CROCC: variants seen among roughly 807,000 people sequenced by gnomAD.
The protein encoded by CROCC is ciliary rootlet coiled-coil, rootletin.
A neutral mutation model predicts 245.2 loss-of-function variants in CROCC; 180 were observed. The ratio of observed to expected loss-of-function variants is 0.73; its 90% CI spans 0.65 to 0.83. The LOEUF (loss-of-function observed/expected upper bound fraction) is 0.83. CROCC is among the 40% of genes least tolerant of loss of function. The pLI, the probability that CROCC is intolerant of heterozygous loss-of-function variation, is 0.00. For synonymous variants in CROCC, 1,205 were observed against 1,241.6 expected (o/e 0.97, Z 0.62); for missense variants, 2,688 against 2,779.4 (o/e 0.97, Z 0.74).
intron 25 of CROCC, 79 bp from the exon 26 acceptor site, chr1:16,958,504 G>A: frequency 1.3e-6 from 2 of 1,500,142 alleles, no homozygotes; most frequent in Non-Finnish European, 9.0e-7. Context: ...TACAGCAGTA[G>A]GTACCAAGTG....
Position 16,953,439 on chromosome 1 carries a change from G to A in CROCC, c.3144G>A (p.Glu1048=), listed in dbSNP as rs1251067353. Residue 1048 remains glutamate (E), a synonymous_variant, in exon 21 of 37, where the codon GAG becomes GAA. Coordinates refer to ENST00000375541, the MANE Select transcript of CROCC (RefSeq NM_014675.5). ...AGGAGATTGCTGCCCTGCAGCAGGA[G>A]CGCGACGAGGGCCTCCTCCTAGCAG... ...LSEEIAALQQ[E]RDEGLLLAES... is the part of the protein sequence containing the mutation. 3 of 1,610,178 alleles carry A rather than the reference G, an allele frequency of 1.9e-6. No homozygotes were observed. The East Asian group carries it at 6.7e-5, about 36-fold the overall frequency.
chr1:16,929,959 C>G lies in CROCC; in HGVS notation c.465C>G (p.Tyr155Ter), dbSNP rs766925565. Residue 155 changes from tyrosine (Y) to a stop codon, truncating the protein, a stop_gained, in exon 4 of 37, where the codon TAC becomes TAG. Transcript: ENST00000375541. LOFTEE classifies it high-confidence loss of function. ...AGCTGCAGGAGGAGCAGGCCTCCTA[C>G]CGGCGCAAGCTGCAGGCCTACCAGG... Reference protein sequence around the residue: ...RRQLQEEQASYRRKLQAYQEG... With the variant: ...RRQLQEEQAS The G allele has an allele frequency of 3.2e-4, 500 of 1,585,696 alleles. No homozygotes were observed. Among genetic ancestry groups the G allele is most frequent in the East Asian group, 3.8e-4 (17 of 44,176 alleles).
chr1:16,966,657 C>T lies in CROCC; in HGVS notation c.4860+86C>T. The T allele has an allele frequency of 7.2e-7, 1 of 1,387,688 alleles. No homozygotes were observed. Among genetic ancestry groups the T allele is most frequent in the Non-Finnish European group, 9.4e-7 (1 of 1,062,180 alleles). The allele number at this position is 1,387,688 out of a possible 1,614,324, so 86.0% of individuals were successfully genotyped here. The stretch of plus-strand genomic sequence containing the variant: ...AACTCTTATGTGTGTCTCCCTGTGT[C>T]TGTCTGCCTGAGTCTCTCTGCAACC... On this transcript the variant is annotated intron_variant, in intron 30 of 36. Coordinates refer to ENST00000375541, the MANE Select transcript of CROCC (RefSeq NM_014675.5). The surrounding 1 kb of genome is among the most constrained non-coding windows in gnomAD (Gnocchi z 4.8).
rs545970336 is a variant in CROCC at position 16,951,329 on chromosome 1, G to A, written c.3006+207G>A. 1.5e-3 allele frequency: 655 copies of A among 434,646 alleles called. 1 individual carries two copies. The highest frequency in any genetic ancestry group is 7.5e-4 in the Non-Finnish European group (183 of 245,068). The allele number at this position is 434,646 out of a possible 1,614,324, so 26.9% of individuals were successfully genotyped here. ...AGGTCCCAAATCTGGTCCAGCCCTG[G>A]TAATCCTGATGCAGAGGGTCCACAA... On this transcript the variant is annotated intron_variant, in intron 20 of 36. Transcript: ENST00000375541.
At position 16,968,199 on chromosome 1, in the gene CROCC, G is replaced by T. The variant is rs1432388388; in HGVS notation, c.4861-4G>T. ...TCTGGGCCTGAGCCCCATGCCACCTGCAGGAGAAGATCAGCAAGATGAAGG... is the reference window on the plus strand; with the variant it reads ...TCTGGGCCTGAGCCCCATGCCACCTTCAGGAGAAGATCAGCAAGATGAAGG... On this transcript the variant is annotated splice_region_variant and splice_polypyrimidine_tract_variant and intron_variant, in intron 30 of 36. Transcript: ENST00000375541. 1 of 1,558,254 alleles carries T rather than the reference G, an allele frequency of 6.4e-7. No individual in the cohort carries two copies. The highest frequency in any genetic ancestry group is 8.7e-7 in the Non-Finnish European group (1 of 1,152,236).
chr1:16,950,220 T>C (rs189757191), intron 19 of CROCC, among the ~76,000 whole-genome samples: 176 of 147,112 alleles, frequency 1.2e-3, no homozygotes, highest in African/African-American at 4.2e-3. Context: ...CCCGCCACCA[T>C]GCCTGGCTAA....
chr1:16,938,950 C>G lies in CROCC; in HGVS notation c.1416C>G (p.Gly472=). Residue 472 remains glycine, a synonymous_variant, in exon 12 of 37, where the codon GGC becomes GGG. Coordinates refer to ENST00000375541, the MANE Select transcript of CROCC (RefSeq NM_014675.5). ...SDSESGVQLS[G]SERTADASNG... The stretch of plus-strand genomic sequence containing the variant: ...CTGAGAGCGGCGTCCAGCTGAGCGG[C>G]TCTGAGCGCACCGCGGATGCTTCCA... 2 of 1,605,062 alleles carry G rather than the reference C, an allele frequency of 1.2e-6. No individual in the cohort carries two copies. Among genetic ancestry groups the G allele is most frequent in the Non-Finnish European group, 1.7e-6 (2 of 1,177,720 alleles).
rs372669075 is a variant in CROCC at position 16,964,071 on chromosome 1, G to A, written c.4406-1652G>A. Among the ~76,000 whole-genome samples, 14 of 151,906 alleles carry A rather than the reference G, an allele frequency of 9.2e-5. No individual in the cohort carries two copies. The East Asian group carries it at 2.1e-3, about 23-fold the overall frequency. ...CCTCGGCCTCCCACCAGAGTGCTGG[G>A]ATTACAGGTCTGAGCCACCGTGCCG... On this transcript the variant is annotated intron_variant, in intron 27 of 36. Coordinates refer to ENST00000375541, the MANE Select transcript of CROCC (RefSeq NM_014675.5).
At position 16,967,594 on chromosome 1, in the gene CROCC, G is replaced by C. The variant is rs972753539; in HGVS notation, c.4861-609G>C. ...GCAGAGGGGCCAGGCTCAGGATAGG[G>C]GCTGGGGAGGCTCTAATAACACCCC... On this transcript the variant is annotated intron_variant, in intron 30 of 36. Transcript: ENST00000375541. Among the ~76,000 whole-genome samples, 67 of 152,128 alleles carry C rather than the reference G, an allele frequency of 4.4e-4. 1 individual carries two copies. The highest frequency in any genetic ancestry group is 1.0e-4 in the Non-Finnish European group (7 of 68,004).
At chr1:16,947,529 T>G (rs1221353127) in intron 17 of CROCC, among the ~76,000 whole-genome samples, 9 of 151,902 alleles carry the variant, frequency 5.9e-5, no homozygotes, top group Non-Finnish European at 8.8e-5. Context: ...GGTGGAGACT[T>G]TTTAGAATTG....
Position 16,969,846 on chromosome 1 carries a change from G to A in CROCC, c.5363G>A (p.Gly1788Asp), listed in dbSNP as rs752307818. 1.2e-5 allele frequency: 20 copies of A among 1,613,168 alleles called. No individual in the cohort carries two copies. The highest frequency in any genetic ancestry group is 1.6e-5 in the Non-Finnish European group (19 of 1,179,650). Residue 1788 changes from glycine (G) to aspartate (D), a missense_variant, in exon 33 of 37, where the codon GGC becomes GAC. By Grantham distance (94) the Gly-to-Asp change is moderately conservative (BLOSUM62 -1). This residue lies in a region of CROCC where 1,218 missense variants were observed against 1,286.3 expected (regional missense o/e 0.95). Coordinates refer to ENST00000375541, the MANE Select transcript of CROCC (RefSeq NM_014675.5). ...GCACGGAAGCAGAGCAGCTCCCTGG[G>A]CGAGCAGGTGCAGACGTTGCGAGGC... The part of the protein sequence containing the change: ...SEARKQSSSL[G>D]EQVQTLRGEV...
chr1:16,966,394 G>C lies in CROCC; in HGVS notation c.4697-14G>C. ...GTGCTTGGCCATGCCTGACGGGGTG[G>C]GTGGTGGCTACAGCCCGGCGCAGTG... On this transcript the variant is annotated splice_polypyrimidine_tract_variant and intron_variant, in intron 29 of 36. Coordinates refer to ENST00000375541, the MANE Select transcript of CROCC (RefSeq NM_014675.5). This position sits in a 1 kb window ranked among gnomAD's most constrained non-coding sequence, Gnocchi z 4.8. The C allele has an allele frequency of 6.6e-7, 1 of 1,512,166 alleles. No individual in the cohort carries two copies. Among genetic ancestry groups the C allele is most frequent in the Non-Finnish European group, 8.8e-7 (1 of 1,132,058 alleles). The allele number at this position is 1,512,166 out of a possible 1,614,324, so 93.7% of individuals were successfully genotyped here.
At chr1:16,922,256 G>A (rs972168381) in intron 1 of CROCC, among the ~76,000 whole-genome samples, 178 bp downstream of exon 1, 6 of 152,272 alleles carry the variant, frequency 3.9e-5, no homozygotes, top group African/African-American at 1.4e-4. Flanking sequence ...GGTACACACA[G>A]GGTGCACCTG....
At chr1:16,946,211 C>T in intron 15 of CROCC, 48 bp from the exon 16 acceptor site, 1 of 1,593,180 alleles carries the variant, frequency 6.3e-7, no homozygotes, top group South Asian at 1.1e-5. Flanking sequence ...TCCTCACCTC[C>T]TCCCGACCTT....
chr1:16,933,564 GTCTTTTTTT>G (rs1172300398), intron 8 of CROCC, among the ~76,000 whole-genome samples: 3 of 152,232 alleles, frequency 2.0e-5, no homozygotes, highest in Admixed American at 1.3e-4. Flanking sequence ...TGTTTGCTTT[GTCTTTTTTT>G]TCTTTTTTTT....
chr1:16,938,963 G>C lies in CROCC; in HGVS notation c.1429G>C (p.Ala477Pro). ...CCAGCTGAGCGGCTCTGAGCGCACC[G>C]CGGATGCTTCCAACGGCAGCCTGCG... ...GVQLSGSERT[A>P]DASNGSLRGL... The change falls in exon 12 of 37, where the codon GCG becomes CCG. Residue 477 changes from alanine (A) to proline (P), a missense_variant. By Grantham distance (27) the Ala-to-Pro change is conservative (BLOSUM62 -1). This residue lies in a region of CROCC where 972 missense variants were observed against 895.3 expected (regional missense o/e 1.09). Coordinates refer to ENST00000375541, the MANE Select transcript of CROCC (RefSeq NM_014675.5). The C allele has an allele frequency of 6.2e-7, 1 of 1,605,148 alleles. No individual in the cohort carries two copies. The highest frequency in any genetic ancestry group is 8.5e-7 in the Non-Finnish European group (1 of 1,177,492).
intron 3 of CROCC, among the ~76,000 whole-genome samples, chr1:16,927,053 C>T (rs778960056): frequency 2.0e-5 from 3 of 152,276 alleles, no homozygotes; most frequent in Non-Finnish European, 4.4e-5. Context: ...CAAACAGCAC[C>T]TGCTTCACAC....
At chr1:16,965,669 G>C (rs534578580) in intron 27 of CROCC, 54 bp from the exon 28 acceptor site, 1 of 1,259,428 alleles carries the variant, frequency 7.9e-7, no homozygotes, top group African/African-American at 1.5e-5. Context: ...TGAGTGAGAT[G>C]TGTGGGAGGC....
At chr1:16,957,348 A>G (rs1044029601) in intron 25 of CROCC, among the ~76,000 whole-genome samples, 1 of 152,188 alleles carries the variant, frequency 6.6e-6, no homozygotes, top group Admixed American at 6.5e-5. Flanking sequence ...TCAAGGCTGC[A>G]GTGAGCTGTG....
Sources: allele counts gnomAD v4.1 joint callset (sites outside exome capture counted in the v4.1 genomes callset), GRCh38; gene constraint gnomAD v4.1.1; regional missense constraint gnomAD v4.1.1; non-coding constraint Gnocchi (gnomAD v3.1); transcripts MANE v1.5; gene names NCBI Gene and HGNC (gene_info 2026-07-23, HGNC 2026-07-21).